PPP2R3B: variants seen among roughly 807,000 people sequenced by gnomAD.
PPP2R3B encodes the protein serine/threonine-protein phosphatase 2A regulatory subunit B'' subunit beta.
PPP2R3B carries 68 observed loss-of-function variants against 72.9 expected under a neutral mutation model. The ratio of observed to expected loss-of-function variants is 0.93; its 90% CI spans 0.77 to 1.14. PPP2R3B has a LOEUF of 1.14. Ranked by LOEUF, PPP2R3B falls within the 50% of genes most tolerant of loss-of-function variation. The pLI is 0.00. For missense variants in PPP2R3B, 1,018 were observed against 842.0 expected (o/e 1.21, Z -2.59); for synonymous variants, 466 against 375.8 (o/e 1.24, Z -2.78).
intron 7 of PPP2R3B, among the ~76,000 whole-genome samples, chrX:344,120 C>G (rs187050296): frequency 0.014 from 336 of 23,936 alleles, 26 homozygotes; most frequent in South Asian, 0.018. Flanking sequence ...TGAGACCTCA[C>G]CAACGGGAGG....
chrX:369,379 C>G (rs1168330649), intron 1 of PPP2R3B, among the ~76,000 whole-genome samples: 1 of 152,210 alleles, frequency 6.6e-6, no homozygotes, highest in Non-Finnish European at 1.5e-5. Context: ...AGGCGACACC[C>G]TGACTCCCAA....
chrX:386,498 G>T lies in PPP2R3B; in HGVS notation c.194C>A (p.Ala65Asp). Residue 65 changes from alanine to aspartate, a missense_variant, in exon 1 of 13, where the codon GCC becomes GAC. Ala to Asp is a moderately radical substitution (Grantham distance 126, BLOSUM62 -2). Transcript: ENST00000390665. Reference sequence around the variant, plus strand: ...GGGTTCGAGCCCGCTGGGCCGGGGGGCGGCGAGCGGGGCTGTGGGCCAGGC... The same window carrying T: ...GGGTTCGAGCCCGCTGGGCCGGGGGTCGGCGAGCGGGGCTGTGGGCCAGGC... The part of the protein sequence containing the change: ...PGAWPTAPLA[A>D]PRPSGLEPPG... The T allele has an allele frequency of 7.7e-7, 1 of 1,293,574 alleles. No individual in the cohort carries two copies. The highest frequency in any genetic ancestry group is 1.6e-5 in the African/African-American group (1 of 64,442). 80.1% of individuals were successfully genotyped at this position (1,293,574 alleles called of 1,614,324 possible).
chrX:356,941 C>T (rs2124146120), intron 2 of PPP2R3B, among the ~76,000 whole-genome samples: 1 of 149,708 alleles, frequency 6.7e-6, no homozygotes, highest in African/African-American at 2.5e-5. Flanking sequence ...ACACAGCGAG[C>T]CCCACAGTAT....
intron 1 of PPP2R3B, among the ~76,000 whole-genome samples, chrX:379,472 G>C (rs1301072839): frequency 6.6e-6 from 1 of 152,202 alleles, no homozygotes; most frequent in African/African-American, 2.4e-5. Context: ...GTGTGTTTGT[G>C]TGTATGCACC....
At chrX:356,895 AC>A (rs1453722189) in intron 2 of PPP2R3B, among the ~76,000 whole-genome samples, 39 of 118,972 alleles carry the variant, frequency 3.3e-4, no homozygotes, top group Middle Eastern at 4.1e-3. Flanking sequence ...CGCCAGCCAC[AC>A]AGCGAGCCCC....
chrX:375,278 G>A (rs1452794788), intron 1 of PPP2R3B, among the ~76,000 whole-genome samples: 15 of 152,248 alleles, frequency 9.9e-5, no homozygotes, highest in Non-Finnish European at 1.8e-4. Flanking sequence ...ACCACCAGGA[G>A]ACGATTTAAA....
chrX:346,218 C>G lies in PPP2R3B; in HGVS notation c.835G>C (p.Gly279Arg). 2 of 1,571,600 alleles carry G rather than the reference C, an allele frequency of 1.3e-6. No individual in the cohort carries two copies. The highest frequency in any genetic ancestry group is 8.6e-7 in the Non-Finnish European group (1 of 1,160,406). The change falls in exon 6 of 13, where the codon GGC becomes CGC. Residue 279 changes from glycine to arginine, a missense_variant. Physicochemically the swap from Gly to Arg is moderately radical, Grantham distance 125. Coordinates refer to ENST00000390665, the MANE Select transcript of PPP2R3B (RefSeq NM_013239.5). ...IFYAVNRSWS[G>R]RITCAELRRS... The stretch of plus-strand genomic sequence containing the variant: ...CGCAGCTCGGCGCAGGTGATCCTGC[C>G]GGACCAGGACCGGTTCACGGCGTAG...
chrX:334,333 GAGCGGCCCCGCGGC>G lies in PPP2R3B; in HGVS notation c.*20_*33del, dbSNP rs780030843. 6 of 1,452,114 alleles carry G rather than the reference GAGCGGCCCCGCGGC, an allele frequency of 4.1e-6. No individual in the cohort carries two copies. In the East Asian group the frequency reaches 1.1e-4, roughly 25 times the overall value. 90.0% of individuals were successfully genotyped at this position (1,452,114 alleles called of 1,614,324 possible). On this transcript the variant is annotated 3_prime_UTR_variant, in exon 13 of 13. Transcript: ENST00000390665. Reference sequence around the variant, plus strand: ...CGGTGGCCCGGTGGTGGCACGTGGGGAGCGGCCCCGCGGCGGCGTTCTCGCGGGCGGCGTCACAG... The same window carrying G: ...CGGTGGCCCGGTGGTGGCACGTGGGGGGCGTTCTCGCGGGCGGCGTCACAG...
At chrX:370,825 A>C (rs1282468663) in intron 1 of PPP2R3B, among the ~76,000 whole-genome samples, 1 of 152,206 alleles carries the variant, frequency 6.6e-6, no homozygotes, top group Non-Finnish European at 1.5e-5. Context: ...CCCAGAGCCC[A>C]GGCTGTCACC....
intron 12 of PPP2R3B, chrX:336,277 A>G (rs1172781219): frequency 6.6e-6 from 1 of 152,244 alleles, no homozygotes; most frequent in African/African-American, 2.4e-5. Context: ...GGCTGGCTGA[A>G]AATGACTCGG....
chrX:380,938 CTT>C (rs774073061), intron 1 of PPP2R3B, among the ~76,000 whole-genome samples: 29 of 138,040 alleles, frequency 2.1e-4, no homozygotes, highest in Admixed American at 3.7e-4. Context: ...CGTTTTCTTT[CTT>C]TTTTTTTTTT....
intron 2 of PPP2R3B, among the ~76,000 whole-genome samples, chrX:352,152 A>G (rs1441727499): frequency 6.6e-6 from 1 of 152,264 alleles, no homozygotes; most frequent in Non-Finnish European, 1.5e-5. Flanking sequence ...CTAAAATGCA[A>G]AAGATACAAA....
intron 2 of PPP2R3B, among the ~76,000 whole-genome samples, chrX:349,551 G>A (rs183483688): frequency 9.5e-4 from 145 of 152,338 alleles, no homozygotes; most frequent in African/African-American, 3.2e-3. Flanking sequence ...CGAAAGATAC[G>A]ACGACGGGTA....
intron 2 of PPP2R3B, chrX:359,739 G>A: frequency 2.4e-6 from 1 of 422,936 alleles, no homozygotes; most frequent in South Asian, 1.7e-5. Context: ...AGAAATGCAA[G>A]AAGTATGTAT....
chrX:347,881 G>A, intron 2 of PPP2R3B, 188 bp from the exon 3 acceptor site: 1 of 571,342 alleles, frequency 1.8e-6, no homozygotes, highest in Non-Finnish European at 3.1e-6. Flanking sequence ...AATCAGTCAT[G>A]AGAGCTGAGC....
Position 346,353 on chromosome X carries a change from T to G in PPP2R3B, c.793-93A>C. The G allele has an allele frequency of 3.1e-6, 4 of 1,299,778 alleles. No individual in the cohort carries two copies. In the South Asian group the frequency reaches 3.8e-5, roughly 12 times the overall value. The allele number at this position is 1,299,778 out of a possible 1,614,324, so 80.5% of individuals were successfully genotyped here. A position where few individuals can be genotyped will look rare whatever the true frequency, so the allele number is the denominator to read the frequency against. On this transcript the variant is annotated intron_variant, in intron 5 of 12. Transcript: ENST00000390665. Reference sequence around the variant, plus strand: ...GGGAGCCGGGAGAGGGGCGCGCCCTTGGTCTCAGCCGCACGGGGCCGCCAG... The same window carrying G: ...GGGAGCCGGGAGAGGGGCGCGCCCTGGGTCTCAGCCGCACGGGGCCGCCAG...
chrX:370,463 G>C (rs1292331564), intron 1 of PPP2R3B, among the ~76,000 whole-genome samples: 2 of 152,164 alleles, frequency 1.3e-5, no homozygotes, highest in East Asian at 1.9e-4. Flanking sequence ...GCTGGGGGAC[G>C]TGGGGATCAT....
chrX:364,590 T>C (rs5987286), intron 1 of PPP2R3B, among the ~76,000 whole-genome samples: 20,059 of 134,480 alleles, frequency 0.15, 2,445 homozygotes, highest in African/African-American at 0.18. Flanking sequence ...TGGTGGAGGG[T>C]GCCTGTACTC....
At chrX:350,581 T>A (rs2738343) in intron 2 of PPP2R3B, among the ~76,000 whole-genome samples, 1 of 152,192 alleles carries the variant, frequency 6.6e-6, no homozygotes, top group Non-Finnish European at 1.5e-5. Flanking sequence ...GGGTGCACGG[T>A]GGCCGTAGAC....
Sources: gnomAD v4.1 joint callset for allele counts (sites outside exome capture counted in the v4.1 genomes callset) on GRCh38, gnomAD v4.1.1 for gene constraint, MANE v1.5 for transcripts, NCBI Gene and HGNC (gene_info 2026-07-23, HGNC 2026-07-21) for gene names.